KCTD19: variants seen among roughly 807,000 people sequenced by gnomAD.
KCTD19 encodes the protein BTB/POZ domain-containing protein KCTD19.
Under a neutral mutation model 103.5 loss-of-function variants are expected in KCTD19, and 67 were observed. The ratio of observed to expected loss-of-function variants is 0.65; its 90% CI spans 0.53 to 0.79. The LOEUF is 0.79. KCTD19 is among the 30% of genes least tolerant of loss of function. KCTD19 has a pLI of 0.00. For synonymous variants in KCTD19, 439 were observed against 452.2 expected (o/e 0.97, Z 0.37); for missense variants, 980 against 1,136.1 (o/e 0.86, Z 1.98).
chr16:67,294,601 C>G lies in KCTD19; in HGVS notation c.1569G>C (p.Glu523Asp), dbSNP rs767669499. The G allele has an allele frequency of 6.2e-7, 1 of 1,613,296 alleles. No individual in the cohort carries two copies. The highest frequency in any genetic ancestry group is 1.7e-5 in the Admixed American group (1 of 60,020). The change falls in exon 11 of 16, where the codon GAG (glutamate) becomes GAC (aspartate). Residue 523 changes from glutamate (E) to aspartate (D), a missense_variant. By Grantham distance (45) the Glu-to-Asp change is conservative (BLOSUM62 2). Coordinates refer to ENST00000304372, the MANE Select transcript of KCTD19 (RefSeq NM_001100915.3). The part of the protein sequence containing the change: ...VVTEGPGSLV[E>D]FSRDTKETTA... ...TTACTTCTTTAGTGTCTCTACTGAA[C>G]TCCACCAGTGACCCTGGCCCTTCTG...
intron 6 of KCTD19, 83 bp downstream of exon 6, chr16:67,299,280 G>T: frequency 7.6e-7 from 1 of 1,314,640 alleles, no homozygotes; most frequent in Non-Finnish European, 1.1e-6. Context: ...CCTCTGGCTA[G>T]TGGGAAAGGC....
At chr16:67,319,734 A>G (rs375643881) in intron 2 of KCTD19, among the ~76,000 whole-genome samples, 2 of 150,982 alleles carry the variant, frequency 1.3e-5, no homozygotes, top group African/African-American at 4.9e-5. Context: ...TGGAAGACAA[A>G]GAAGTGATGG....
At chr16:67,322,001 C>T (rs2142526297) in intron 1 of KCTD19, 1 of 152,354 alleles carries the variant, frequency 6.6e-6, no homozygotes, top group Middle Eastern at 3.4e-3. Context: ...ACTTTTAAAA[C>T]TTATTTCAAA....
intron 2 of KCTD19, among the ~76,000 whole-genome samples, chr16:67,317,095 T>C (rs941711378): frequency 1.3e-5 from 2 of 152,188 alleles, no homozygotes; most frequent in African/African-American, 2.4e-5. Context: ...AAGGACTCTA[T>C]GGTGAGGAGT....
chr16:67,294,024 T>C lies in KCTD19; in HGVS notation c.1738A>G (p.Lys580Glu), dbSNP rs766679578. The C allele has an allele frequency of 6.2e-7, 1 of 1,614,198 alleles. No homozygotes were observed. Among genetic ancestry groups the C allele is most frequent in the Non-Finnish European group, 8.5e-7 (1 of 1,180,034 alleles). The change falls in exon 12 of 16, where the codon AAG becomes GAG. Residue 580 changes from lysine (K) to glutamate (E), a missense_variant. Lys to Glu is a moderately conservative substitution (Grantham distance 56). Coordinates refer to ENST00000304372, the MANE Select transcript of KCTD19 (RefSeq NM_001100915.3). ...PIQVSLCRNA[K>E]RAGNPSTYSH... is the part of the protein sequence containing the mutation. ...TATGTGCTAGGGTTGCCAGCCCTCT[T>C]GGCATTTCGGCATAGGGACACCTGG...
At chr16:67,308,003 C>G (rs984526423) in intron 2 of KCTD19, among the ~76,000 whole-genome samples, 5 of 152,120 alleles carry the variant, frequency 3.3e-5, no homozygotes, top group African/African-American at 1.2e-4. Flanking sequence ...CTCCAAGCCT[C>G]AGGTTCCTCA....
At position 67,296,275 on chromosome 16, in the gene KCTD19, A is replaced by G. The variant is rs766370250; in HGVS notation, c.1148-16T>C. On this transcript the variant is annotated splice_polypyrimidine_tract_variant and intron_variant, in intron 7 of 15. Coordinates refer to ENST00000304372, the MANE Select transcript of KCTD19 (RefSeq NM_001100915.3). Reference sequence around the variant, plus strand: ...GTCCACTCATCTATGGGAATCCAGGAGATAGAACACATCATCATATGGCCA... The same window carrying G: ...GTCCACTCATCTATGGGAATCCAGGGGATAGAACACATCATCATATGGCCA... 6.6e-7 allele frequency: 1 copy of G among 1,514,066 alleles called. No homozygotes were observed. The highest frequency in any genetic ancestry group is 9.2e-7 in the Non-Finnish European group (1 of 1,088,576). 93.8% of individuals were successfully genotyped at this position (1,514,066 alleles called of 1,614,324 possible). A position where few individuals can be genotyped will look rare whatever the true frequency, so the allele number is the denominator to read the frequency against.
intron 2 of KCTD19, among the ~76,000 whole-genome samples, chr16:67,306,881 A>G (rs1310305001): frequency 6.6e-6 from 1 of 152,132 alleles, no homozygotes; most frequent in Admixed American, 6.6e-5. Flanking sequence ...GAATCCTTCC[A>G]ATCTTCCCCT....
intron 15 of KCTD19, among the ~76,000 whole-genome samples, chr16:67,290,624 A>T (rs2142498550): frequency 6.6e-6 from 1 of 152,328 alleles, no homozygotes; most frequent in Middle Eastern, 3.4e-3. Context: ...TGTGTCCCTA[A>T]GTGTGGCCAG....
rs1256720485 is a variant in KCTD19, at chr16:67,303,535, T to C, written c.452-198A>G. Among the ~76,000 whole-genome samples, 1 of 149,850 alleles carries C rather than the reference T, an allele frequency of 6.7e-6. No homozygotes were observed. Among genetic ancestry groups the C allele is most frequent in the African/African-American group, 2.5e-5 (1 of 39,224 alleles). ...AAGGAGTGTGGTAGGGAGTGGGGCATGGAAGTCTATTTTTTTTTCTTTTCT... is the reference window on the plus strand; with the variant it reads ...AAGGAGTGTGGTAGGGAGTGGGGCACGGAAGTCTATTTTTTTTTCTTTTCT... On this transcript the variant is annotated intron_variant, in intron 3 of 15. Coordinates refer to ENST00000304372, the MANE Select transcript of KCTD19 (RefSeq NM_001100915.3). The surrounding 1 kb of genome is among the most constrained non-coding windows in gnomAD (Gnocchi z 4.3).
rs2036835458 is a variant in KCTD19, at chr16:67,301,667, A to G, written c.775+124T>C. The G allele has an allele frequency of 7.9e-6, 7 of 886,952 alleles. No individual in the cohort carries two copies. The South Asian group carries it at 1.1e-4, about 14-fold the overall frequency. The allele number at this position is 886,952 out of a possible 1,614,324, so 54.9% of individuals were successfully genotyped here. A position where few individuals can be genotyped will look rare whatever the true frequency, so the allele number is the denominator to read the frequency against. ...CCTCTTCTTGGATTCAGAGTCAGCC[A>G]GAAAACCCAATCCTCTCACTAACCC... On this transcript the variant is annotated intron_variant, in intron 5 of 15. Coordinates refer to ENST00000304372, the MANE Select transcript of KCTD19 (RefSeq NM_001100915.3).
intron 2 of KCTD19, among the ~76,000 whole-genome samples, chr16:67,313,841 G>A (rs1368749024): frequency 4.0e-5 from 6 of 151,634 alleles, no homozygotes; most frequent in Admixed American, 1.3e-4. Flanking sequence ...TTACAGGCAT[G>A]AGCCACTGCA....
At position 67,326,693 on chromosome 16, in the gene KCTD19, C is replaced by T; in HGVS notation, c.3+12G>A. ...GGTGCTTTTGGCGCCCCCGCCAGAG[C>T]GGGCTCCGTACCATGGTCGCGGCTC... On this transcript the variant is annotated intron_variant, in intron 1 of 15. Coordinates refer to ENST00000304372, the MANE Select transcript of KCTD19 (RefSeq NM_001100915.3). 2.5e-6 allele frequency: 4 copies of T among 1,583,650 alleles called. No homozygotes were observed. The highest frequency in any genetic ancestry group is 2.4e-5 in the East Asian group (1 of 41,228).
Position 67,326,729 on chromosome 16 carries a change from C to G in KCTD19, c.-22G>C. ...CCATGGTCGCGGCTCCAGCAGCGGGCGGGCGGGCTTGTGACCCGGCCAATA... is the reference window on the plus strand; with the variant it reads ...CCATGGTCGCGGCTCCAGCAGCGGGGGGGCGGGCTTGTGACCCGGCCAATA... On this transcript the variant is annotated 5_prime_UTR_variant, in exon 1 of 16. Coordinates refer to ENST00000304372, the MANE Select transcript of KCTD19 (RefSeq NM_001100915.3). 6.4e-7 allele frequency: 1 copy of G among 1,571,520 alleles called. No homozygotes were observed. The highest frequency in any genetic ancestry group is 1.4e-5 in the African/African-American group (1 of 71,258).
Position 67,303,422 on chromosome 16 carries a change from C to T in KCTD19, c.452-85G>A. The T allele has an allele frequency of 8.9e-7, 1 of 1,124,236 alleles. No homozygotes were observed. Among genetic ancestry groups the T allele is most frequent in the Non-Finnish European group, 1.3e-6 (1 of 790,678 alleles). 69.6% of individuals were successfully genotyped at this position (1,124,236 alleles called of 1,614,324 possible). A position where few individuals can be genotyped will look rare whatever the true frequency, so the allele number is the denominator to read the frequency against. On this transcript the variant is annotated intron_variant, in intron 3 of 15. Coordinates refer to ENST00000304372, the MANE Select transcript of KCTD19 (RefSeq NM_001100915.3). This position sits in a 1 kb window ranked among gnomAD's most constrained non-coding sequence, Gnocchi z 4.3. ...CAGGGCTTTCACTGACCCAGGGGCC[C>T]CAGAGGATGCTAGAGAGACCCCCCA...
chr16:67,293,958 C>T lies in KCTD19; in HGVS notation c.1804G>A (p.Gly602Arg). 2.5e-6 allele frequency: 4 copies of T among 1,614,100 alleles called. No individual in the cohort carries two copies. Among genetic ancestry groups the T allele is most frequent in the Non-Finnish European group, 2.5e-6 (3 of 1,180,024 alleles). Residue 602 changes from glycine to arginine, a missense_variant, in exon 12 of 16, where the codon GGG becomes AGG. Coordinates refer to ENST00000304372, the MANE Select transcript of KCTD19 (RefSeq NM_001100915.3). This position sits in a 1 kb window ranked among gnomAD's most constrained non-coding sequence, Gnocchi z 4.0. Reference sequence around the variant, plus strand: ...TTTGGGGGGCTCTCAGGGTGGCTCCCCCAGTGTCCAGGATTGGTACACAAG... The same window carrying T: ...TTTGGGGGGCTCTCAGGGTGGCTCCTCCAGTGTCCAGGATTGGTACACAAG... ...RGLCTNPGHW[G>R]SHPESPPKKK...
At chr16:67,295,106 G>A (rs369286414) in intron 9 of KCTD19, 50 bp from the exon 10 acceptor site, 6 of 1,578,490 alleles carry the variant, frequency 3.8e-6, no homozygotes, top group South Asian at 1.1e-5. Flanking sequence ...TGAGGGTGTG[G>A]GAGGGAGCAT....
intron 2 of KCTD19, among the ~76,000 whole-genome samples, chr16:67,315,715 C>T (rs932308164): frequency 2.6e-5 from 4 of 151,910 alleles, no homozygotes; most frequent in African/African-American, 7.3e-5. Context: ...CTCCCGACCT[C>T]GTGATCGCCT....
chr16:67,308,356 G>T lies in KCTD19; in HGVS notation c.301-3785C>A, dbSNP rs145015164. On this transcript the variant is annotated intron_variant, in intron 2 of 15. Coordinates refer to ENST00000304372, the MANE Select transcript of KCTD19 (RefSeq NM_001100915.3). ...ACTTTTTGATTTTTTGTAGAGATGA[G>T]GTCTTGCTATGTGGCCCAGGCTGGT... 5.6e-3 allele frequency among the ~76,000 whole-genome samples: 843 copies of T among 151,820 alleles called. 9 individuals carry two copies. Among genetic ancestry groups the T allele is most frequent in the African/African-American group, 0.019 (796 of 41,400 alleles).
Sources: gnomAD v4.1 joint callset for allele counts (sites outside exome capture counted in the v4.1 genomes callset) on GRCh38, gnomAD v4.1.1 for gene constraint, Gnocchi (gnomAD v3.1) non-coding constraint, MANE v1.5 for transcripts, NCBI Gene and HGNC (gene_info 2026-07-23, HGNC 2026-07-21) for gene names.